SRP72: variants seen among roughly 807,000 people sequenced by gnomAD.
SRP72 encodes the protein signal recognition particle 72.
A neutral mutation model predicts 96.3 loss-of-function variants in SRP72; 49 were observed. The observed-to-expected ratio is 0.51, with a 90% confidence interval of 0.40 to 0.65. The LOEUF (loss-of-function observed/expected upper bound fraction) is 0.65. Among genes scored for constraint, SRP72 ranks in the 30% least tolerant of loss-of-function variants. The pLI, the probability that SRP72 is intolerant of heterozygous loss-of-function variation, is 0.00. For synonymous variants in SRP72, 267 were observed against 275.2 expected, an observed-to-expected ratio of 0.97 and a Z score of 0.30; for missense variants, 736 against 793.3, an observed-to-expected ratio of 0.93 and a Z score of 0.87.
Position 56,499,915 on chromosome 4 carries a change from C to T in SRP72, c.1679-621C>T, listed in dbSNP as rs191352910. Among the ~76,000 whole-genome samples, 1,085 of 152,280 alleles carry T rather than the reference C, an allele frequency of 7.1e-3. 19 individuals are homozygous for T. Among genetic ancestry groups the T allele is most frequent in the African/African-American group, 0.025 (1,036 of 41,538 alleles). On this transcript the variant is annotated intron_variant, in intron 17 of 18. Transcript: ENST00000642900. ...ATTCTGCTATAAAGACACATGCACA[C>T]TTATGTTTATTGCAGCAGTATTCAC...
intron 10 of SRP72, 145 bp downstream of exon 10, chr4:56,485,009 A>AG: frequency 1.0e-6 from 1 of 997,236 alleles, no homozygotes; most frequent in East Asian, 2.8e-5. Flanking sequence ...CATTTTAGTT[A>AG]ACTCTTGGGT....
chr4:56,479,042 T>A (rs1720364305), intron 8 of SRP72, among the ~76,000 whole-genome samples: 2 of 152,074 alleles, frequency 1.3e-5, no homozygotes, highest in African/African-American at 4.8e-5. Flanking sequence ...TCGGGTTTTC[T>A]TTTTTTAGGG....
At chr4:56,469,911 T>A in intron 2 of SRP72, 138 bp downstream of exon 2, 2 of 770,260 alleles carry the variant, frequency 2.6e-6, no homozygotes. Context: ...CTTTTGCTTG[T>A]CAATAATGTT....
intron 6 of SRP72, among the ~76,000 whole-genome samples, chr4:56,478,060 G>A (rs1437967567): frequency 3.3e-5 from 5 of 151,294 alleles, no homozygotes; most frequent in Non-Finnish European, 2.9e-5. Flanking sequence ...TTTTACTTAC[G>A]TTTTTTAATT....
At chr4:56,476,357 T>G in intron 5 of SRP72, 1 of 340,752 alleles carries the variant, frequency 2.9e-6, no homozygotes, top group Non-Finnish European at 5.3e-6. Flanking sequence ...GGTGGTAGGA[T>G]TGTTTATTTT....
At chr4:56,499,114 A>G (rs1282759072) in intron 17 of SRP72, among the ~76,000 whole-genome samples, 1 of 152,176 alleles carries the variant, frequency 6.6e-6, no homozygotes, top group Non-Finnish European at 1.5e-5. Flanking sequence ...ATAACACCAC[A>G]CATCTACAAC....
intron 9 of SRP72, among the ~76,000 whole-genome samples, chr4:56,484,275 C>T (rs1455645880): frequency 6.6e-6 from 1 of 151,936 alleles, no homozygotes; most frequent in East Asian, 1.9e-4. Context: ...ACCTCGTGAT[C>T]TGCCCACCTC....
chr4:56,478,686 C>A, intron 8 of SRP72, 37 bp downstream of exon 8: 1 of 1,583,636 alleles, frequency 6.3e-7, no homozygotes, highest in Non-Finnish European at 8.6e-7. Context: ...ATATATTTTA[C>A]CCTGAAAGCT....
chr4:56,484,522 C>G, intron 9 of SRP72, among the ~76,000 whole-genome samples: 1 of 152,038 alleles, frequency 6.6e-6, no homozygotes, highest in East Asian at 1.9e-4. Context: ...ACTAAAGACT[C>G]TTAGAGCTCA....
In SRP72 at chr4:56,500,558, C is replaced by T. The variant is rs1163312569; in HGVS notation, c.1701C>T (p.Asp567=). The change falls in exon 18 of 19, where the codon GAC becomes GAT. Residue 567 remains aspartate (D), a synonymous_variant. Transcript: ENST00000642900. ...KKKGKLPKNY[D]PKVTPDPERW... ...CAGGAAAATTGCCTAAGAATTATGA[C>T]CCAAAAGTTACCCCAGATCCAGAAA... 6.2e-7 allele frequency: 1 copy of T among 1,613,424 alleles called. No individual in the cohort carries two copies. The highest frequency in any genetic ancestry group is 1.3e-5 in the African/African-American group (1 of 74,832).
At chr4:56,478,338 G>A in intron 6 of SRP72, 41 bp from the exon 7 acceptor site, 1 of 1,533,324 alleles carries the variant, frequency 6.5e-7, no homozygotes, top group Non-Finnish European at 8.8e-7. Flanking sequence ...ATGTAGATCA[G>A]TTTGGAAAAT....
intron 6 of SRP72, among the ~76,000 whole-genome samples, chr4:56,478,035 A>G (rs1189214024): frequency 6.6e-6 from 1 of 152,000 alleles, no homozygotes; most frequent in Non-Finnish European, 1.5e-5. Flanking sequence ...AAAAAGATAT[A>G]CTTCCATGCT....
At chr4:56,479,088 C>T (rs1049685380) in intron 8 of SRP72, among the ~76,000 whole-genome samples, 8 of 152,076 alleles carry the variant, frequency 5.3e-5, no homozygotes, top group Non-Finnish European at 1.2e-4. Context: ...CCCCCACACC[C>T]CATCCCATGT....
chr4:56,490,362 A>G lies in SRP72; in HGVS notation c.1350A>G (p.Ile450Met). 5.0e-6 allele frequency: 8 copies of G among 1,613,854 alleles called. No homozygotes were observed. The highest frequency in any genetic ancestry group is 1.1e-5 in the South Asian group (1 of 91,004). Residue 450 changes from isoleucine (I) to methionine (M), a missense_variant, in exon 14 of 19, where the codon ATA becomes ATG. Ile to Met is a conservative substitution (Grantham distance 10). This residue lies in a region of SRP72 where 388 missense variants were observed against 431.8 expected (regional missense o/e 0.90). Coordinates refer to ENST00000642900, the MANE Select transcript of SRP72 (RefSeq NM_006947.4). The part of the protein sequence containing the change: ...QPKSPAHLSL[I>M]REAANFKLKY... The stretch of plus-strand genomic sequence containing the variant: ...AATCTCCTGCTCATTTGTCCTTGAT[A>G]AGAGAAGCTGCAAACTTCAAACTCA...
intron 8 of SRP72, among the ~76,000 whole-genome samples, chr4:56,480,515 C>G (rs916520630): frequency 1.3e-5 from 2 of 152,202 alleles, no homozygotes; most frequent in African/African-American, 4.8e-5. Flanking sequence ...CTGCCTCAGC[C>G]TCCCAAAGTG....
chr4:56,499,516 A>T (rs1721187341), intron 17 of SRP72, among the ~76,000 whole-genome samples: 1 of 152,236 alleles, frequency 6.6e-6, no homozygotes, highest in South Asian at 2.1e-4. Context: ...AAAGAACTTC[A>T]ACAAATTTAC....
In SRP72 at chr4:56,469,760, A is replaced by G; in HGVS notation, c.217A>G (p.Lys73Glu). ...TTTGAATGTCATCAATACTCACACCAAAGTGTTAGCCAAGTAAGTGATTCA... is the reference window on the plus strand; with the variant it reads ...TTTGAATGTCATCAATACTCACACCGAAGTGTTAGCCAAGTAAGTGATTCA... ...EALNVINTHT[K>E]VLANNSLSFE... Residue 73 changes from lysine (K) to glutamate (E), a missense_variant, in exon 2 of 19, where the codon AAA becomes GAA. Coordinates refer to ENST00000642900, the MANE Select transcript of SRP72 (RefSeq NM_006947.4). The G allele has an allele frequency of 1.2e-6, 2 of 1,608,842 alleles. No homozygotes were observed. Among genetic ancestry groups the G allele is most frequent in the Non-Finnish European group, 1.7e-6 (2 of 1,176,140 alleles).
chr4:56,500,211 C>T (rs942512609), intron 17 of SRP72, among the ~76,000 whole-genome samples: 1 of 151,710 alleles, frequency 6.6e-6, no homozygotes, highest in East Asian at 1.9e-4. Context: ...CCAGGCCTGT[C>T]GGGGGGCGGT....
At chr4:56,473,705 C>T (rs923562835) in intron 3 of SRP72, among the ~76,000 whole-genome samples, 7 of 151,632 alleles carry the variant, frequency 4.6e-5, no homozygotes, top group Non-Finnish European at 1.0e-4. Flanking sequence ...GTGGAGGTTG[C>T]AGTGAGCCAA....
Sources: gnomAD v4.1 joint callset for allele counts (sites outside exome capture counted in the v4.1 genomes callset) on GRCh38, gnomAD v4.1.1 for gene constraint, gnomAD v4.1.1 regional missense constraint, MANE v1.5 for transcripts, NCBI Gene and HGNC (gene_info 2026-07-23, HGNC 2026-07-21) for gene names.